The following CDIN1 variants were observed in gnomAD, a reference collection of about 807,000 sequenced individuals.
CDIN1 encodes the protein CDAN1 interacting nuclease 1, also known as CDAN1-interacting nuclease 1.
CDIN1 carries 33 observed loss-of-function variants against 45.3 expected under a neutral mutation model. That is an observed-to-expected ratio of 0.73 (90% confidence interval 0.55 to 0.97). CDIN1 has a LOEUF of 0.97. Among genes scored for constraint, CDIN1 ranks in the 50% least tolerant of loss-of-function variants. The pLI, the probability that CDIN1 is intolerant of heterozygous loss-of-function variation, is 0.00. For synonymous variants in CDIN1, 118 were observed against 124.4 expected (o/e 0.95, Z 0.34); for missense variants, 303 against 339.4 (o/e 0.89, Z 0.84).
intron 5 of CDIN1, among the ~76,000 whole-genome samples, chr15:36,676,224 C>G (rs1431292240): frequency 6.6e-6 from 1 of 152,264 alleles, no homozygotes; most frequent in South Asian, 2.1e-4. Flanking sequence ...CTACCTATCC[C>G]TCTCCTACAA....
chr15:36,765,866 C>T (rs184276081), intron 10 of CDIN1, among the ~76,000 whole-genome samples: 1 of 152,046 alleles, frequency 6.6e-6, no homozygotes, highest in Non-Finnish European at 1.5e-5. Flanking sequence ...CTAGTGCTTG[C>T]TTTATTTTGG....
intron 9 of CDIN1, 64 bp from the exon 10 acceptor site, chr15:36,709,792 C>A: frequency 7.7e-7 from 1 of 1,291,886 alleles, no homozygotes; most frequent in Non-Finnish European, 1.1e-6. Context: ...GAGGCCTGTA[C>A]AGAGTTCAGA....
At chr15:36,703,802 C>T (rs1007133044) in intron 8 of CDIN1, among the ~76,000 whole-genome samples, 8 of 151,990 alleles carry the variant, frequency 5.3e-5, no homozygotes, top group Non-Finnish European at 1.0e-4. Context: ...ATTGGTTCGG[C>T]GACACATGGA....
At chr15:36,661,638 A>T (rs567418134) in intron 5 of CDIN1, among the ~76,000 whole-genome samples, 1 of 152,130 alleles carries the variant, frequency 6.6e-6, no homozygotes, top group East Asian at 1.9e-4. Flanking sequence ...CTTAACTTTT[A>T]CAAGAATGCT....
intron 6 of CDIN1, 82 bp downstream of exon 6, chr15:36,691,846 ACT>A: frequency 1.8e-6 from 2 of 1,100,922 alleles, no homozygotes; most frequent in Non-Finnish European, 2.7e-6. Flanking sequence ...TCATTTAATT[ACT>A]GTCATCATAA....
intron 10 of CDIN1, among the ~76,000 whole-genome samples, chr15:36,776,380 A>G (rs2054217150): frequency 6.6e-6 from 1 of 152,176 alleles, no homozygotes; most frequent in Non-Finnish European, 1.5e-5. Flanking sequence ...TCATTCATTT[A>G]TCTTCTAGTT....
At chr15:36,803,085 T>G (rs1346540618) in intron 10 of CDIN1, among the ~76,000 whole-genome samples, 1 of 151,874 alleles carries the variant, frequency 6.6e-6, no homozygotes, top group Non-Finnish European at 1.5e-5. Flanking sequence ...ATGTCTCTCT[T>G]CACTGCTTGC....
intron 10 of CDIN1, among the ~76,000 whole-genome samples, chr15:36,727,866 G>A (rs888362752): frequency 2.0e-5 from 3 of 152,090 alleles, no homozygotes; most frequent in Non-Finnish European, 4.4e-5. Context: ...TAATACTTTG[G>A]CCGGTAAAAA....
intron 1 of CDIN1, among the ~76,000 whole-genome samples, chr15:36,585,176 G>T (rs938344029): frequency 6.6e-6 from 1 of 152,160 alleles, no homozygotes. Context: ...TTGCAGAAAA[G>T]TTGCAGAAAT....
intron 10 of CDIN1, among the ~76,000 whole-genome samples, chr15:36,729,269 G>A (rs746409405): frequency 5.9e-5 from 9 of 152,054 alleles, no homozygotes; most frequent in African/African-American, 9.7e-5. Flanking sequence ...TCTTGGTTTC[G>A]AGACTCTCCA....
At position 36,662,746 on chromosome 15, in the gene CDIN1, A is replaced by G. The variant is rs111676713; in HGVS notation, c.346+4841A>G. 5.2e-3 allele frequency among the ~76,000 whole-genome samples: 799 copies of G among 152,280 alleles called. 6 individuals carry two copies. Among genetic ancestry groups the G allele is most frequent in the Admixed American group, 7.1e-3 (109 of 15,304 alleles). Reference sequence around the variant, plus strand: ...CTACAGTGGATGGAAGAAAGGATAAAACTCATCAAAGAACTCATAGTTTAG... The same window carrying G: ...CTACAGTGGATGGAAGAAAGGATAAGACTCATCAAAGAACTCATAGTTTAG... On this transcript the variant is annotated intron_variant, in intron 5 of 10. Transcript: ENST00000566621.
intron 10 of CDIN1, among the ~76,000 whole-genome samples, chr15:36,748,907 T>G (rs2053378542): frequency 6.6e-6 from 1 of 152,162 alleles, no homozygotes; most frequent in Non-Finnish European, 1.5e-5. Context: ...TCCTATCAAC[T>G]TTAACCTCCA....
chr15:36,709,588 A>T (rs1822029107), intron 9 of CDIN1, among the ~76,000 whole-genome samples: 1 of 152,186 alleles, frequency 6.6e-6, no homozygotes, highest in African/African-American at 2.4e-5. Flanking sequence ...GGTCTGCTTG[A>T]CATGGCACTT....
intron 10 of CDIN1, among the ~76,000 whole-genome samples, chr15:36,783,823 A>C (rs1200463290): frequency 6.6e-6 from 1 of 152,212 alleles, no homozygotes; most frequent in Admixed American, 6.5e-5. Flanking sequence ...TGGCACAGAC[A>C]CCTGTAAGAG....
intron 10 of CDIN1, among the ~76,000 whole-genome samples, chr15:36,724,219 G>C (rs532343930): frequency 6.6e-6 from 1 of 152,136 alleles, no homozygotes; most frequent in South Asian, 2.1e-4. Context: ...ATAGAAACAA[G>C]AATTTGGAAA....
At position 36,738,869 on chromosome 15, in the gene CDIN1, T is replaced by C. The variant is rs561099272; in HGVS notation, c.716+28908T>C. ...TCTGTTTTGTTTACCCCTGTATCACTAGGATTAAAGTAATAAGAGCCTATT... is the reference window on the plus strand; with the variant it reads ...TCTGTTTTGTTTACCCCTGTATCACCAGGATTAAAGTAATAAGAGCCTATT... On this transcript the variant is annotated intron_variant, in intron 10 of 10. Transcript: ENST00000566621. 5.9e-5 allele frequency among the ~76,000 whole-genome samples: 9 copies of C among 152,346 alleles called. No homozygotes were observed. The South Asian group carries it at 1.9e-3, about 32-fold the overall frequency.
intron 10 of CDIN1, among the ~76,000 whole-genome samples, chr15:36,751,226 AT>A (rs1158867209): frequency 1.5e-3 from 55 of 36,004 alleles, no homozygotes; most frequent in East Asian, 6.6e-3. Context: ...ATATATGCTT[AT>A]TTTATATATA....
intron 10 of CDIN1, among the ~76,000 whole-genome samples, chr15:36,777,003 T>C (rs1385146129): frequency 6.6e-6 from 1 of 152,204 alleles, no homozygotes; most frequent in Non-Finnish European, 1.5e-5. Flanking sequence ...CCCAATATTT[T>C]TGATGCCACA....
intron 8 of CDIN1, among the ~76,000 whole-genome samples, chr15:36,700,832 T>C (rs1034089118): frequency 2.6e-5 from 4 of 151,906 alleles, no homozygotes; most frequent in Non-Finnish European, 5.9e-5. Context: ...CTCAGTACTT[T>C]GGGAGGCTGA....
Sources: gnomAD v4.1 joint callset for allele counts (sites outside exome capture counted in the v4.1 genomes callset) on GRCh38, gnomAD v4.1.1 for gene constraint, MANE v1.5 for transcripts, NCBI Gene and HGNC (gene_info 2026-07-23, HGNC 2026-07-21) for gene names.